Variants in SLC15A1 observed in about 807,000 individuals in gnomAD.
The protein encoded by SLC15A1 is solute carrier family 15 member 1.
A neutral mutation model predicts 92.9 loss-of-function variants in SLC15A1; 83 were observed. The observed-to-expected ratio is 0.89, with a 90% CI of 0.75 to 1.07. The LOEUF (loss-of-function observed/expected upper bound fraction) is 1.07, where lower values mean the gene tolerates loss of function less well. SLC15A1 is among the 50% of genes least tolerant of loss of function. SLC15A1 has a pLI of 0.00. For missense variants in SLC15A1, 857 were observed against 880.1 expected (o/e 0.97, Z 0.33); for synonymous variants, 322 against 318.2 (o/e 1.01, Z -0.13).
At chr13:98,708,817 C>CCT in intron 14 of SLC15A1, 50 bp from the exon 15 acceptor site, 1 of 1,427,868 alleles carries the variant, frequency 7.0e-7, no homozygotes, top group Non-Finnish European at 9.6e-7. Context: ...CATAGATGAG[C>CCT]TAAGCTAAAC....
At chr13:98,685,110 C>T (rs1049070695) in intron 22 of SLC15A1, among the ~76,000 whole-genome samples, 195 bp from the exon 23 acceptor site, 147 of 152,256 alleles carry the variant, frequency 9.7e-4, no homozygotes, top group Non-Finnish European at 4.4e-5. Flanking sequence ...TAGATAGATG[C>T]TAATATAGAC....
chr13:98,686,314 A>T lies in SLC15A1; in HGVS notation c.1828-17T>A, dbSNP rs1164844851. On this transcript the variant is annotated splice_polypyrimidine_tract_variant and intron_variant, in intron 21 of 22. Transcript: ENST00000376503. ...GGAAGGAGCCTGAGGAAGCAAAGCA[A>T]AGTGAGTCCTGCTCCAGGTCTCACC... 6.4e-7 allele frequency: 1 copy of T among 1,565,890 alleles called. No individual in the cohort carries two copies. Among genetic ancestry groups the T allele is most frequent in the East Asian group, 2.3e-5 (1 of 43,744 alleles).
chr13:98,724,998 C>A (rs1309477676), intron 4 of SLC15A1, among the ~76,000 whole-genome samples: 1 of 152,106 alleles, frequency 6.6e-6, no homozygotes, highest in African/African-American at 2.4e-5. Flanking sequence ...TGGGGCAGAT[C>A]CCTCATGAAT....
chr13:98,687,632 G>C lies in SLC15A1; in HGVS notation c.1776C>G (p.Thr592=), dbSNP rs2087939780. The change falls in exon 21 of 23, where the codon ACC becomes ACG. Residue 592 remains threonine, a synonymous_variant. Transcript: ENST00000376503. ...ALQIPQYFLL[T]CGEVVFSVTG... ...TGACAGAGAAGACCACTTCGCCACA[G>C]GTGAGAAGAAAATACTGCGGGATTT... 2.5e-6 allele frequency: 4 copies of C among 1,614,206 alleles called. No homozygotes were observed. The highest frequency in any genetic ancestry group is 3.4e-6 in the Non-Finnish European group (4 of 1,180,034).
intron 9 of SLC15A1, 41 bp downstream of exon 9, chr13:98,715,837 G>A (rs2088207670): frequency 6.7e-7 from 1 of 1,494,974 alleles, no homozygotes; most frequent in African/African-American, 1.4e-5. Flanking sequence ...AGGTTCTGAG[G>A]TGGTTAAATA....
At position 98,726,850 on chromosome 13, in the gene SLC15A1, T is replaced by C. The variant is rs1180220058; in HGVS notation, c.14A>G (p.Lys5Arg). The C allele has an allele frequency of 2.5e-5, 40 of 1,613,494 alleles. No individual in the cohort carries two copies. The highest frequency in any genetic ancestry group is 3.4e-5 in the Non-Finnish European group (40 of 1,179,358). The change falls in exon 2 of 23, where the codon AAA (lysine) becomes AGA (arginine). Residue 5 changes from lysine (K) to arginine (R), a missense_variant. Transcript: ENST00000376503. Reference protein sequence around the residue: MGMSKSHSFFGYPLS... With the variant: MGMSRSHSFFGYPLS... ...AGGAAAAAGGGTACTCACGTGTGAT[T>C]TGGACATTCCTAAAAGAAAAACAGA...
intron 15 of SLC15A1, among the ~76,000 whole-genome samples, chr13:98,706,705 C>T (rs575891713): frequency 1.6e-4 from 24 of 152,270 alleles, no homozygotes; most frequent in Middle Eastern, 3.4e-3. Flanking sequence ...ATGACTGTGA[C>T]GCTTCCCCAG....
chr13:98,748,217 G>T (rs2088511314), intron 1 of SLC15A1, among the ~76,000 whole-genome samples: 1 of 152,112 alleles, frequency 6.6e-6, no homozygotes, highest in Admixed American at 6.5e-5. Flanking sequence ...TGCAATTCAG[G>T]TGCATCCTGG....
chr13:98,726,150 A>T lies in SLC15A1; in HGVS notation c.218T>A (p.Ile73Asn), dbSNP rs778496678. ...CYLTPILGALIADSWLGKFKT... is the reference protein window; with the variant it reads ...CYLTPILGALNADSWLGKFKT... ...GAACTTTCCCAGCCACGAGTCGGCGATAAGAGCTCCGAGAATTGGCGTCAG... is the reference window on the plus strand; with the variant it reads ...GAACTTTCCCAGCCACGAGTCGGCGTTAAGAGCTCCGAGAATTGGCGTCAG... Residue 73 changes from isoleucine to asparagine, a missense_variant, in exon 4 of 23, where the codon ATC (isoleucine) becomes AAC (asparagine). Ile to Asn is a moderately radical substitution (Grantham distance 149). Coordinates refer to ENST00000376503, the MANE Select transcript of SLC15A1 (RefSeq NM_005073.4). The T allele has an allele frequency of 1.9e-6, 3 of 1,614,190 alleles. No homozygotes were observed. Among genetic ancestry groups the T allele is most frequent in the African/African-American group, 1.3e-5 (1 of 75,042 alleles).
chr13:98,693,414 G>A (rs1367672745), intron 18 of SLC15A1, among the ~76,000 whole-genome samples: 1 of 152,062 alleles, frequency 6.6e-6, no homozygotes, highest in African/African-American at 2.4e-5. Flanking sequence ...CTATCTTTTT[G>A]ATCAGAACCT....
At chr13:98,699,462 G>A (rs890567436) in intron 18 of SLC15A1, among the ~76,000 whole-genome samples, 4 of 152,186 alleles carry the variant, frequency 2.6e-5, no homozygotes, top group African/African-American at 4.8e-5. Context: ...CATTCACATC[G>A]TTGTATCAAG....
intron 16 of SLC15A1, among the ~76,000 whole-genome samples, chr13:98,705,630 A>C (rs928598051): frequency 2.0e-5 from 3 of 152,060 alleles, no homozygotes; most frequent in African/African-American, 7.2e-5. Flanking sequence ...GGTGGCTCAC[A>C]CCTGTAATCC....
intron 2 of SLC15A1, 95 bp downstream of exon 2, chr13:98,726,748 T>C (rs2088304966): frequency 1.6e-6 from 2 of 1,215,324 alleles, no homozygotes; most frequent in Admixed American, 1.7e-5. Flanking sequence ...TGGTTCCAGA[T>C]GTACAGATCT....
In SLC15A1 at chr13:98,704,378, G is replaced by C; in HGVS notation, c.1327C>G (p.Pro443Ala). Residue 443 changes from proline to alanine, a missense_variant, in exon 17 of 23, where the codon CCT becomes GCT. Transcript: ENST00000376503. ...GTTACAGCAGTGACTGGTGATCCAG[G>C]AGAAGAAATGTTTATCCTTGTCAGT... ...NKLTRINISSPGSPVTAVTDD... is the reference protein window; with the variant it reads ...NKLTRINISSAGSPVTAVTDD... 1 of 1,613,988 alleles carries C rather than the reference G, an allele frequency of 6.2e-7. No individual in the cohort carries two copies. Among genetic ancestry groups the C allele is most frequent in the Non-Finnish European group, 8.5e-7 (1 of 1,179,932 alleles).
intron 5 of SLC15A1, 45 bp from the exon 6 acceptor site, chr13:98,721,948 AGTAGAAGG>A: frequency 6.6e-7 from 1 of 1,517,912 alleles, no homozygotes; most frequent in East Asian, 2.3e-5. Flanking sequence ...GATCCTCGCA[AGTAGAAGG>A]CCTCTCTTTT....
chr13:98,743,773 A>G (rs2088469343), intron 1 of SLC15A1, among the ~76,000 whole-genome samples: 1 of 152,314 alleles, frequency 6.6e-6, no homozygotes, highest in African/African-American at 2.4e-5. Context: ...CTTCAGAACT[A>G]AGAGTGAGAC....
At chr13:98,734,357 G>A (rs1282288563) in intron 1 of SLC15A1, among the ~76,000 whole-genome samples, 3 of 152,182 alleles carry the variant, frequency 2.0e-5, no homozygotes, top group Non-Finnish European at 4.4e-5. Context: ...AGGTCTCAGC[G>A]TGATCAACAC....
At chr13:98,721,719 T>C (rs746636910) in intron 6 of SLC15A1, 85 bp downstream of exon 6, 164 of 1,382,662 alleles carry the variant, frequency 1.2e-4, no homozygotes, top group Non-Finnish European at 1.6e-4. Context: ...AAGAATCCGA[T>C]GTAGAACAGA....
chr13:98,695,976 A>G (rs2088017686), intron 18 of SLC15A1, among the ~76,000 whole-genome samples: 2 of 152,006 alleles, frequency 1.3e-5, no homozygotes, highest in Admixed American at 6.6e-5. Context: ...CCTTTGATCC[A>G]TTAAAGATTT....
Sources: gnomAD v4.1 joint callset for allele counts (sites outside exome capture counted in the v4.1 genomes callset) on GRCh38, gnomAD v4.1.1 for gene constraint, MANE v1.5 for transcripts, NCBI Gene and HGNC (gene_info 2026-07-23, HGNC 2026-07-21) for gene names.